COL16A1: variants seen among roughly 807,000 people sequenced by gnomAD.
COL16A1 encodes collagen alpha-1(XVI) chain.
In COL16A1, 189 loss-of-function variants were observed where a neutral mutation model predicts 266.3. The observed-to-expected ratio is 0.71, with a 90% CI of 0.63 to 0.80. The LOEUF (loss-of-function observed/expected upper bound fraction) is 0.80, where lower values mean the gene tolerates loss of function less well. Among genes scored for constraint, COL16A1 ranks in the 30% least tolerant of loss-of-function variants. The probability of loss-of-function intolerance (pLI) is 0.00; values close to 1 mark genes in which losing one functional copy is unlikely to be tolerated. For missense variants in COL16A1, 1,928 were observed against 2,122.4 expected, an observed-to-expected ratio of 0.91 and a Z score of 1.80; for synonymous variants, 740 against 782.3, an observed-to-expected ratio of 0.95 and a Z score of 0.90.
In COL16A1 at chr1:31,679,683, A is replaced by T. The variant is rs1287933990; in HGVS notation, c.2721T>A (p.Gly907=). 1 of 1,613,994 alleles carries T rather than the reference A, an allele frequency of 6.2e-7. No individual in the cohort carries two copies. Among genetic ancestry groups the T allele is most frequent in the East Asian group, 2.2e-5 (1 of 44,880 alleles). The change falls in exon 42 of 71, where the codon GGT becomes GGA. Residue 907 remains glycine, a splice_region_variant and synonymous_variant. Coordinates refer to ENST00000373672, the MANE Select transcript of COL16A1 (RefSeq NM_001856.4). ...MGSSWQPGPQ[G]PPGIPGPPGP... ...CTGGTGGTCCGGGAATACCTGGTGGACCCTGAGGGAGAGAGAAAAGAGTCA... is the reference window on the plus strand; with the variant it reads ...CTGGTGGTCCGGGAATACCTGGTGGTCCCTGAGGGAGAGAGAAAAGAGTCA...
In COL16A1 at chr1:31,698,538, G is replaced by A. The variant is rs371283383; in HGVS notation, c.335C>T (p.Thr112Ile). The change falls in exon 5 of 71, where the codon ACC becomes ATC. Residue 112 changes from threonine to isoleucine, a missense_variant. Physicochemically the swap from Thr to Ile is moderately conservative, Grantham distance 89. Transcript: ENST00000373672. This position sits in a 1 kb window ranked among gnomAD's most constrained non-coding sequence, Gnocchi z 4.1. ...AAACAGATACCACGTCTTCTGGTGG[G>A]TGTGTTTCTTCAGCAGTAGTGTCAG... ...LVLTLLLKKH[T>I]HQKTWYLFQV... 35 of 1,614,022 alleles carry A rather than the reference G, an allele frequency of 2.2e-5. No homozygotes were observed. The highest frequency in any genetic ancestry group is 2.9e-5 in the Non-Finnish European group (34 of 1,180,038).
Position 31,652,960 on chromosome 1 carries a change from A to G in COL16A1, c.4613-107T>C. 3.5e-6 allele frequency: 4 copies of G among 1,150,994 alleles called. No individual in the cohort carries two copies. Among genetic ancestry groups the G allele is most frequent in the Non-Finnish European group, 3.5e-6 (3 of 868,814 alleles). 71.3% of individuals were successfully genotyped at this position (1,150,994 alleles called of 1,614,324 possible). ...CCTTACATTTGATGACTGTTTCTCA[A>G]GTTACCACATGTTTTCATGAAGACC... On this transcript the variant is annotated intron_variant, in intron 70 of 70. Transcript: ENST00000373672. This position sits in a 1 kb window ranked among gnomAD's most constrained non-coding sequence, Gnocchi z 4.8.
intron 42 of COL16A1, chr1:31,679,324 A>G: frequency 7.7e-7 from 1 of 1,292,656 alleles, no homozygotes; most frequent in Non-Finnish European, 1.0e-6. Flanking sequence ...TGAGTGTTGA[A>G]TGCTACTCCA....
In COL16A1 at chr1:31,680,032, C is replaced by A; in HGVS notation, c.2670+10G>T. 1 of 1,613,650 alleles carries A rather than the reference C, an allele frequency of 6.2e-7. No individual in the cohort carries two copies. Among genetic ancestry groups the A allele is most frequent in the Non-Finnish European group, 8.5e-7 (1 of 1,179,790 alleles). On this transcript the variant is annotated intron_variant, in intron 40 of 70. Coordinates refer to ENST00000373672, the MANE Select transcript of COL16A1 (RefSeq NM_001856.4). ...CCCAGTTGGGGGAAGGCTCTCACAG[C>A]GCCACTTACCGGCATGCCAGAGAAG... is the stretch of plus-strand genomic sequence containing the variant.
At chr1:31,693,214 A>G (rs1454428624) in intron 12 of COL16A1, 60 bp from the exon 13 acceptor site, 1 of 1,112,630 alleles carries the variant, frequency 9.0e-7, no homozygotes, top group Non-Finnish European at 1.4e-6. Flanking sequence ...GCCTTGAGAA[A>G]GCTCTCCCCA....
chr1:31,695,976 G>A (rs1207298354), intron 9 of COL16A1, 112 bp downstream of exon 9: 1 of 1,085,714 alleles, frequency 9.2e-7, no homozygotes, highest in Non-Finnish European at 1.4e-6. Flanking sequence ...CTGTCCAGGA[G>A]GTGGGAAAGG....
intron 66 of COL16A1, 48 bp from the exon 67 acceptor site, chr1:31,655,550 C>A: frequency 1.2e-6 from 2 of 1,604,542 alleles, no homozygotes; most frequent in Non-Finnish European, 1.7e-6. Context: ...CATGATGTCT[C>A]ACCAATCTGC....
At position 31,661,376 on chromosome 1, in the gene COL16A1, C is replaced by T. The variant is rs543670239; in HGVS notation, c.3771+38G>A. ...GCCTGGGGGCAAGCCTTCAGGAGAG[C>T]AGAGATAACCTGCTTGGCAGAGGTC... On this transcript the variant is annotated intron_variant, in intron 60 of 70. Coordinates refer to ENST00000373672, the MANE Select transcript of COL16A1 (RefSeq NM_001856.4). 1.4e-5 allele frequency: 23 copies of T among 1,613,776 alleles called. No homozygotes were observed. In the Admixed American group the frequency reaches 3.7e-4, roughly 26 times the overall value.
Position 31,658,455 on chromosome 1 carries a change from C to T in COL16A1, c.4020+33G>A, listed in dbSNP as rs1385885319. The stretch of plus-strand genomic sequence containing the variant: ...GGCCTTGAGCCAATTGACTCTTTCC[C>T]CCTGGGCTATGCTGTAGAATGTGGG... On this transcript the variant is annotated intron_variant, in intron 64 of 70. Transcript: ENST00000373672. 7.7e-6 allele frequency: 12 copies of T among 1,553,900 alleles called. No individual in the cohort carries two copies. In the East Asian group the frequency reaches 2.5e-4, roughly 32 times the overall value.
intron 20 of COL16A1, 50 bp downstream of exon 20, chr1:31,691,138 C>T (rs945014216): frequency 1.1e-5 from 17 of 1,596,638 alleles, no homozygotes; most frequent in Non-Finnish European, 1.4e-5. Flanking sequence ...TCTCTCTCCT[C>T]CTGTCAAGCA....
At position 31,702,116 on chromosome 1, in the gene COL16A1, C is replaced by T. The variant is rs866016428; in HGVS notation, c.73+5G>A. The T allele has an allele frequency of 6.2e-7, 1 of 1,614,126 alleles. No homozygotes were observed. Among genetic ancestry groups the T allele is most frequent in the Non-Finnish European group, 8.5e-7 (1 of 1,179,976 alleles). ...TGATACTGTGACTCTCCTGTGTCAT[C>T]TCACCTGTATTTGCCCCATGGCCGA... On this transcript the variant is annotated splice_donor_5th_base_variant and intron_variant, in intron 2 of 70. Coordinates refer to ENST00000373672, the MANE Select transcript of COL16A1 (RefSeq NM_001856.4).
rs780802477 is a variant in COL16A1 at position 31,682,931 on chromosome 1, T to C, written c.2538+3A>G. 6.2e-7 allele frequency: 1 copy of C among 1,613,962 alleles called. No homozygotes were observed. Among genetic ancestry groups the C allele is most frequent in the Admixed American group, 1.7e-5 (1 of 60,014 alleles). ...ACCAGCATGGAGCACAGAGAAGACT[T>C]ACCGGAGGCCCAGAGACACTGGCCC... On this transcript the variant is annotated splice_donor_region_variant and intron_variant, in intron 37 of 70. Transcript: ENST00000373672.
intron 2 of COL16A1, among the ~76,000 whole-genome samples, chr1:31,700,705 CA>C (rs1644694554): frequency 6.6e-6 from 1 of 152,162 alleles, no homozygotes; most frequent in Non-Finnish European, 1.5e-5. Flanking sequence ...GTCCTACATC[CA>C]AATCAGACAA....
At position 31,668,994 on chromosome 1, in the gene COL16A1, A is replaced by T. The variant is rs965756981; in HGVS notation, c.3196-139T>A. 8.4e-6 allele frequency: 6 copies of T among 717,740 alleles called. No individual in the cohort carries two copies. The highest frequency in any genetic ancestry group is 1.4e-5 in the Non-Finnish European group (6 of 438,440). 44.5% of individuals were successfully genotyped at this position (717,740 alleles called of 1,614,324 possible). A position where few individuals can be genotyped will look rare whatever the true frequency, so the allele number is the denominator to read the frequency against. ...ATAGTGGCTCTCGTAGTGTCCCTAG[A>T]AGGTGACCCGTAATGGGTGTGCTCC... On this transcript the variant is annotated intron_variant, in intron 49 of 70. Transcript: ENST00000373672. The surrounding 1 kb of genome is among the most constrained non-coding windows in gnomAD (Gnocchi z 5.8).
At chr1:31,686,720 G>A (rs1244200265) in intron 26 of COL16A1, among the ~76,000 whole-genome samples, 5 of 152,256 alleles carry the variant, frequency 3.3e-5, no homozygotes, top group Admixed American at 6.5e-5. Flanking sequence ...AAGGTGATGA[G>A]ACAGAGTAAG....
At chr1:31,692,546 A>G (rs1190538349) in intron 15 of COL16A1, 37 bp from the exon 16 acceptor site, 3 of 1,614,024 alleles carry the variant, frequency 1.9e-6, no homozygotes, top group Admixed American at 3.3e-5. Flanking sequence ...AGGGAGGGTA[A>G]GGCTGGGCCC....
chr1:31,661,271 C>G, intron 60 of COL16A1, 143 bp downstream of exon 60: 1 of 1,508,766 alleles, frequency 6.6e-7, no homozygotes, highest in Non-Finnish European at 9.0e-7. Context: ...GAAGCCCTGA[C>G]CCAGTCTGCC....
Position 31,668,975 on chromosome 1 carries a change from G to T in COL16A1, c.3196-120C>A. The T allele has an allele frequency of 1.2e-6, 1 of 842,360 alleles. No individual in the cohort carries two copies. The highest frequency in any genetic ancestry group is 1.8e-6 in the Non-Finnish European group (1 of 540,572). The allele number at this position is 842,360 out of a possible 1,614,324, so 52.2% of individuals were successfully genotyped here. A position where few individuals can be genotyped will look rare whatever the true frequency, so the allele number is the denominator to read the frequency against. On this transcript the variant is annotated intron_variant, in intron 49 of 70. Transcript: ENST00000373672. This position sits in a 1 kb window ranked among gnomAD's most constrained non-coding sequence, Gnocchi z 5.8. ...CCAGGCAAATATGGAGGCCATAGTG[G>T]CTCTCGTAGTGTCCCTAGAAGGTGA...
At position 31,656,234 on chromosome 1, in the gene COL16A1, C is replaced by A. The variant is rs1641134359; in HGVS notation, c.4101+166G>T. ...CCTTCCCCCCAACCACAGCTAATGA[C>A]CCCATGTGAGAAATTTTCAGACACT... On this transcript the variant is annotated intron_variant, in intron 66 of 70. Transcript: ENST00000373672. The surrounding 1 kb of genome is among the most constrained non-coding windows in gnomAD (Gnocchi z 4.2). 8 of 1,097,988 alleles carry A rather than the reference C, an allele frequency of 7.3e-6. No individual in the cohort carries two copies. The highest frequency in any genetic ancestry group is 2.7e-5 in the East Asian group (1 of 37,688). 68.0% of individuals were successfully genotyped at this position (1,097,988 alleles called of 1,614,324 possible).
Sources: allele counts gnomAD v4.1 joint callset (sites outside exome capture counted in the v4.1 genomes callset), GRCh38; gene constraint gnomAD v4.1.1; non-coding constraint Gnocchi (gnomAD v3.1); transcripts MANE v1.5; gene names NCBI Gene and HGNC (gene_info 2026-07-23, HGNC 2026-07-21).